The following ZRANB1 variants were observed in gnomAD, a reference collection of about 807,000 sequenced individuals.
ZRANB1 encodes the protein zinc finger RANBP2-type containing 1, also known as ubiquitin thioesterase ZRANB1.
ZRANB1 carries 16 observed loss-of-function variants against 80.5 expected under a neutral mutation model. The ratio of observed to expected loss-of-function variants is 0.20; its 90% CI spans 0.13 to 0.30. ZRANB1 has a LOEUF of 0.30. Ranked by LOEUF, ZRANB1 falls within the 10% of genes least tolerant of loss-of-function variation. The probability of loss-of-function intolerance (pLI) is 1.00; values close to 1 mark genes in which losing one functional copy is unlikely to be tolerated. For missense variants in ZRANB1, 576 were observed against 862.6 expected, an observed-to-expected ratio of 0.67 and a Z score of 4.16; for synonymous variants, 291 against 293.1, an observed-to-expected ratio of 0.99 and a Z score of 0.07.
At position 124,985,054 on chromosome 10, in the gene ZRANB1, T is replaced by C; in HGVS notation, c.*62T>C. ...ATCTGTAATGACCCTAAAGTTAGTG[T>C]GGTGCTCCAAGCAGAGTCGACATCA... On this transcript the variant is annotated 3_prime_UTR_variant, in exon 9 of 9. Transcript: ENST00000359653. 1 of 1,331,818 alleles carries C rather than the reference T, an allele frequency of 7.5e-7. No homozygotes were observed. The highest frequency in any genetic ancestry group is 1.0e-6 in the Non-Finnish European group (1 of 954,364). 82.5% of individuals were successfully genotyped at this position (1,331,818 alleles called of 1,614,324 possible). A position where few individuals can be genotyped will look rare whatever the true frequency, so the allele number is the denominator to read the frequency against.
chr10:124,963,401 A>G (rs1951749961), intron 1 of ZRANB1, among the ~76,000 whole-genome samples: 1 of 151,920 alleles, frequency 6.6e-6, no homozygotes, highest in African/African-American at 2.4e-5. Context: ...TCTCCCATAA[A>G]GTGAGATTTT....
the ZRANB1 span, among the ~76,000 whole-genome samples, chr10:124,936,884 CTAA>C: frequency 6.6e-6 from 1 of 152,044 alleles, no homozygotes; most frequent in Non-Finnish European, 1.5e-5. Context: ...TATTAATAAG[CTAA>C]TAATTATTTA....
At chr10:124,963,322 G>A (rs1231217997) in intron 1 of ZRANB1, among the ~76,000 whole-genome samples, 3 of 148,870 alleles carry the variant, frequency 2.0e-5, no homozygotes, top group Non-Finnish European at 3.0e-5. Flanking sequence ...ATTGTGAGAT[G>A]TCAGTAACCT....
chr10:124,973,692 G>T lies in ZRANB1; in HGVS notation c.1204G>T (p.Val402Leu), dbSNP rs1226789961. ...PTVQEKLFDE[V>L]LDRDVQKELE... ...AGTCCAAGAAAAATTATTTGATGAG[G>T]TGCTTGATAGAGACGTTCAAAAAGG... is the stretch of plus-strand genomic sequence containing the variant. Residue 402 changes from valine to leucine, a missense_variant, in exon 4 of 9, where the codon GTG (valine) becomes TTG (leucine). By Grantham distance (32) the Val-to-Leu change is conservative (BLOSUM62 1). Around this residue, in one of 3 missense-constraint regions of ZRANB1, gnomAD observed 411 missense variants for 583.1 expected, o/e 0.70. Coordinates refer to ENST00000359653, the MANE Select transcript of ZRANB1 (RefSeq NM_017580.3). 4 of 1,612,572 alleles carry T rather than the reference G, an allele frequency of 2.5e-6. No individual in the cohort carries two copies. Among genetic ancestry groups the T allele is most frequent in the Non-Finnish European group, 3.4e-6 (4 of 1,179,652 alleles).
In ZRANB1 at chr10:124,966,574, T is replaced by C; in HGVS notation, c.815-20T>C. On this transcript the variant is annotated intron_variant, in intron 1 of 8. Coordinates refer to ENST00000359653, the MANE Select transcript of ZRANB1 (RefSeq NM_017580.3). ...AGAAAATGAGAATTAAATGCTTTTC[T>C]ATCTTGATGCTTGTTTTAGGGGTTG... 6.2e-7 allele frequency: 1 copy of C among 1,602,286 alleles called. No homozygotes were observed. The highest frequency in any genetic ancestry group is 8.5e-7 in the Non-Finnish European group (1 of 1,171,266).
chr10:124,951,928 G>T (rs980972666), intron 1 of ZRANB1, among the ~76,000 whole-genome samples: 1 of 151,962 alleles, frequency 6.6e-6, no homozygotes, highest in Non-Finnish European at 1.5e-5. Flanking sequence ...CCGCACTCCA[G>T]CCCGGGCAAC....
intron 2 of ZRANB1, among the ~76,000 whole-genome samples, chr10:124,970,975 C>G (rs1423145951): frequency 6.6e-6 from 1 of 150,928 alleles, no homozygotes; most frequent in African/African-American, 2.4e-5. Context: ...ATAGCTGAGA[C>G]TACAGCTAAT....
chr10:124,954,436 T>C (rs1446363070), intron 1 of ZRANB1, among the ~76,000 whole-genome samples: 2 of 150,972 alleles, frequency 1.3e-5, no homozygotes, highest in African/African-American at 4.9e-5. Context: ...TTAAAAATGG[T>C]ACATTAAAAG....
chr10:124,957,674 C>T (rs1044265275), intron 1 of ZRANB1, among the ~76,000 whole-genome samples: 3 of 151,922 alleles, frequency 2.0e-5, no homozygotes, highest in African/African-American at 7.3e-5. Context: ...GCTTATTTCA[C>T]TTAGTATAAT....
chr10:124,954,446 G>GT (rs1227693538), intron 1 of ZRANB1, among the ~76,000 whole-genome samples: 13,151 of 123,552 alleles, frequency 0.11, 761 homozygotes, highest in Admixed American at 0.16. Flanking sequence ...TACATTAAAA[G>GT]TTTTTTTTTT....
At chr10:124,937,372 G>T (rs1362529708), upstream of ZRANB1, among the ~76,000 whole-genome samples, 1 of 151,646 alleles carries the variant, frequency 6.6e-6, no homozygotes, top group Non-Finnish European at 1.5e-5. Flanking sequence ...TTTTGGTAGA[G>T]ACGGGGTTTC....
chr10:124,933,926 T>C, the ZRANB1 span, among the ~76,000 whole-genome samples: 1 of 152,246 alleles, frequency 6.6e-6, no homozygotes, highest in African/African-American at 2.4e-5. Flanking sequence ...GCATTAATAT[T>C]GTTTCATGCT....
chr10:124,949,783 A>G (rs185855649), intron 1 of ZRANB1, among the ~76,000 whole-genome samples: 124 of 152,286 alleles, frequency 8.1e-4, no homozygotes, highest in African/African-American at 2.7e-3. Flanking sequence ...GTTGTGAGCC[A>G]CCACCTGGCC....
At position 124,983,397 on chromosome 10, in the gene ZRANB1, G is replaced by A. The variant is rs1380379636; in HGVS notation, c.1679-62G>A. 2 of 1,590,998 alleles carry A rather than the reference G, an allele frequency of 1.3e-6. No homozygotes were observed. The highest frequency in any genetic ancestry group is 1.7e-5 in the Admixed American group (1 of 58,678). On this transcript the variant is annotated intron_variant, in intron 7 of 8. Transcript: ENST00000359653. This position sits in a 1 kb window ranked among gnomAD's most constrained non-coding sequence, Gnocchi z 6.2. ...CAGTGGACAGGGGAATGTGAACAAGGGCAGTGAGGGAGTGGCTCTTTCTTC... is the reference window on the plus strand; with the variant it reads ...CAGTGGACAGGGGAATGTGAACAAGAGCAGTGAGGGAGTGGCTCTTTCTTC...
chr10:124,951,161 T>C (rs1195338556), intron 1 of ZRANB1, among the ~76,000 whole-genome samples: 2 of 152,220 alleles, frequency 1.3e-5, no homozygotes, highest in African/African-American at 4.8e-5. Context: ...CAGAGGTTTT[T>C]CTCAAGTAAA....
At position 124,987,263 on chromosome 10, in the gene ZRANB1, G is replaced by C. The variant is rs1330657434; in HGVS notation, c.*2271G>C. On this transcript the variant is annotated 3_prime_UTR_variant, in exon 9 of 9. Transcript: ENST00000359653. ...ACAGACATTAATGACTGACTCTGGAGAGTAAGTCATACCTGCACTCTGTGG... is the reference window on the plus strand; with the variant it reads ...ACAGACATTAATGACTGACTCTGGACAGTAAGTCATACCTGCACTCTGTGG... 6.6e-6 allele frequency: 1 copy of C among 152,552 alleles called. No homozygotes were observed. Among genetic ancestry groups the C allele is most frequent in the African/African-American group, 2.4e-5 (1 of 41,426 alleles). 9.4% of individuals were successfully genotyped at this position (152,552 alleles called of 1,614,324 possible).
At chr10:124,969,367 C>T (rs973722053) in intron 2 of ZRANB1, among the ~76,000 whole-genome samples, 7 of 152,142 alleles carry the variant, frequency 4.6e-5, no homozygotes, top group African/African-American at 1.7e-4. Context: ...GGAGTAAATA[C>T]TCCAAAGGAC....
chr10:124,917,786 G>A, the ZRANB1 span, among the ~76,000 whole-genome samples: 1 of 152,166 alleles, frequency 6.6e-6, no homozygotes, highest in African/African-American at 2.4e-5. Flanking sequence ...GACGAGGCGG[G>A]TGGGGAGGAG....
In ZRANB1 at chr10:124,981,720, G is replaced by C; in HGVS notation, c.1439G>C (p.Arg480Pro). ...LHDCSHWFYT[R>P]WKDWESWYSQ... is the part of the protein sequence containing the mutation. Reference sequence around the variant, plus strand: ...TCCTGCTTTTTTAGGTTTTACACACGCTGGAAAGATTGGGAATCATGGTAT... The same window carrying C: ...TCCTGCTTTTTTAGGTTTTACACACCCTGGAAAGATTGGGAATCATGGTAT... The change falls in exon 6 of 9, where the codon CGC becomes CCC. Residue 480 changes from arginine to proline, a missense_variant. Physicochemically the swap from Arg to Pro is moderately radical, Grantham distance 103. This residue lies in a region of ZRANB1 where 411 missense variants were observed against 583.1 expected (regional missense o/e 0.70). Coordinates refer to ENST00000359653, the MANE Select transcript of ZRANB1 (RefSeq NM_017580.3). 1 of 1,610,550 alleles carries C rather than the reference G, an allele frequency of 6.2e-7. No individual in the cohort carries two copies. The highest frequency in any genetic ancestry group is 8.5e-7 in the Non-Finnish European group (1 of 1,178,928).
Sources: gnomAD v4.1 joint callset for allele counts (sites outside exome capture counted in the v4.1 genomes callset) on GRCh38, gnomAD v4.1.1 for gene constraint, gnomAD v4.1.1 regional missense constraint, Gnocchi (gnomAD v3.1) non-coding constraint, MANE v1.5 for transcripts, NCBI Gene and HGNC (gene_info 2026-07-23, HGNC 2026-07-21) for gene names.